The following FEZ2 variants were observed in gnomAD, a reference collection of about 807,000 sequenced individuals.
FEZ2 encodes fasciculation and elongation protein zeta 2.
In FEZ2, 51 loss-of-function variants were observed where a neutral mutation model predicts 40.4. The ratio of observed to expected loss-of-function variants is 1.26; its 90% CI spans 1.01 to 1.59. The LOEUF is 1.59. FEZ2 is among the 40% of genes most tolerant of loss of function. The probability of loss-of-function intolerance (pLI) is 0.00; values close to 1 mark genes in which losing one functional copy is unlikely to be tolerated. For synonymous variants in FEZ2, 242 were observed against 172.0 expected (o/e 1.41, Z -3.18); for missense variants, 640 against 438.3 (o/e 1.46, Z -4.11).
At position 36,578,704 on chromosome 2, in the gene FEZ2, C is replaced by G. The variant is rs374041463; in HGVS notation, c.796G>C (p.Val266Leu). ...KNSFISVLIEVQNKQKEHKET... is the reference protein window; with the variant it reads ...KNSFISVLIELQNKQKEHKET... ...TTGTGCTCTTTCTGTTTGTTTTGCACTTCAATAAGAACAGAAATAAAGCTG... is the reference window on the plus strand; with the variant it reads ...TTGTGCTCTTTCTGTTTGTTTTGCAGTTCAATAAGAACAGAAATAAAGCTG... Residue 266 changes from valine (V) to leucine (L), a missense_variant, in exon 5 of 8, where the codon GTG becomes CTG. By Grantham distance (32) the Val-to-Leu change is conservative. Coordinates refer to ENST00000405912, the MANE Select transcript of FEZ2 (RefSeq NM_005102.3). 1.2e-6 allele frequency: 2 copies of G among 1,613,918 alleles called. No individual in the cohort carries two copies. The highest frequency in any genetic ancestry group is 2.2e-5 in the South Asian group (2 of 91,078).
At chr2:36,570,085 G>A (rs1422985790) in intron 5 of FEZ2, among the ~76,000 whole-genome samples, 1 of 151,932 alleles carries the variant, frequency 6.6e-6, no homozygotes, top group African/African-American at 2.4e-5. Flanking sequence ...GGAAACAAGT[G>A]TAAAAAATTT....
chr2:36,558,332 A>T (rs1044696522), intron 6 of FEZ2, 106 bp downstream of exon 6: 2 of 626,496 alleles, frequency 3.2e-6, no homozygotes, highest in Non-Finnish European at 2.7e-6. Flanking sequence ...CATCATTTAC[A>T]TCCTAAACTG....
At chr2:36,578,541 G>C (rs959196441) in intron 5 of FEZ2, 56 bp downstream of exon 5, 88 of 1,555,604 alleles carry the variant, frequency 5.7e-5, no homozygotes, top group Non-Finnish European at 7.1e-5. Flanking sequence ...CCAAAGGCTG[G>C]GACTACCACA....
chr2:36,559,900 G>T (rs1668048640), intron 5 of FEZ2, among the ~76,000 whole-genome samples: 1 of 152,220 alleles, frequency 6.6e-6, no homozygotes, highest in Admixed American at 6.5e-5. Context: ...GCAAATGTCA[G>T]TGTGAGGCTT....
rs72868427 is a variant in FEZ2 at position 36,552,906 on chromosome 2, T to C, written c.*257A>G. ...ACAACTGCACATGCACAATTAATAT[T>C]ACTCTCTCTTAATCTACTAAGAGAA... is the stretch of plus-strand genomic sequence containing the variant. On this transcript the variant is annotated 3_prime_UTR_variant, in exon 8 of 8. Coordinates refer to ENST00000405912, the MANE Select transcript of FEZ2 (RefSeq NM_005102.3). The C allele has an allele frequency of 1.9e-3, 850 of 453,892 alleles. 11 individuals are homozygous for C. Among genetic ancestry groups the C allele is most frequent in the African/African-American group, 0.015 (757 of 49,796 alleles). 28.1% of individuals were successfully genotyped at this position (453,892 alleles called of 1,614,324 possible). A position where few individuals can be genotyped will look rare whatever the true frequency, so the allele number is the denominator to read the frequency against.
intron 4 of FEZ2, chr2:36,579,101 C>T: frequency 2.3e-6 from 1 of 440,240 alleles, no homozygotes; most frequent in Admixed American, 4.1e-5. Flanking sequence ...AGCTTGCTGG[C>T]AAGAAAGTCT....
At chr2:36,562,196 ATTTTT>A (rs1166542077) in intron 5 of FEZ2, among the ~76,000 whole-genome samples, 1 of 152,074 alleles carries the variant, frequency 6.6e-6, no homozygotes, top group African/African-American at 2.4e-5. Context: ...GTAAAATATT[ATTTTT>A]CATAAATATA....
chr2:36,560,885 GC>G, intron 5 of FEZ2: 3 of 1,522,378 alleles, frequency 2.0e-6, no homozygotes, highest in Non-Finnish European at 9.0e-7. Context: ...GCAATATACG[GC>G]CCAGAAGAAA....
intron 5 of FEZ2, among the ~76,000 whole-genome samples, chr2:36,559,577 G>A (rs1272727164): frequency 1.3e-5 from 2 of 152,190 alleles, no homozygotes; most frequent in East Asian, 1.9e-4. Flanking sequence ...GTGTCCCACC[G>A]TCTTTTTGAC....
At position 36,580,924 on chromosome 2, in the gene FEZ2, C is replaced by T. The variant is rs115572203; in HGVS notation, c.634+366G>A. Among the ~76,000 whole-genome samples the T allele has an allele frequency of 5.5e-3, 836 of 152,220 alleles. 2 individuals are homozygous for T. Among genetic ancestry groups the T allele is most frequent in the Middle Eastern group, 0.01 (3 of 294 alleles). On this transcript the variant is annotated intron_variant, in intron 4 of 7. Transcript: ENST00000405912. ...ACTGCAGCACTTTGGGAGGCTAAGG[C>T]GGGCGGATCATGAGGTCAGGAGTTC...
chr2:36,586,624 C>CT (rs1254342827), intron 2 of FEZ2, among the ~76,000 whole-genome samples: 1 of 131,594 alleles, frequency 7.6e-6, no homozygotes, highest in Non-Finnish European at 1.6e-5. Context: ...CAGACCATGT[C>CT]TCAAAAAAAA....
At position 36,598,159 on chromosome 2, in the gene FEZ2, C is replaced by T. The variant is rs1016451948; in HGVS notation, c.-17G>A. 26 of 1,430,876 alleles carry T rather than the reference C, an allele frequency of 1.8e-5. No individual in the cohort carries two copies. The highest frequency in any genetic ancestry group is 1.7e-4 in the African/African-American group (11 of 65,658). 88.6% of individuals were successfully genotyped at this position (1,430,876 alleles called of 1,614,324 possible). Reference sequence around the variant, plus strand: ...CGCCGCCATCGCCGCCCGGAGCAGTCGCGCGCCCCGCCCAGGCCGGCCCAG... The same window carrying T: ...CGCCGCCATCGCCGCCCGGAGCAGTTGCGCGCCCCGCCCAGGCCGGCCCAG... On this transcript the variant is annotated 5_prime_UTR_variant, in exon 1 of 8. Transcript: ENST00000405912.
intron 2 of FEZ2, 140 bp from the exon 3 acceptor site, chr2:36,583,609 G>T: frequency 1.7e-6 from 1 of 600,626 alleles, no homozygotes; most frequent in Non-Finnish European, 3.0e-6. Flanking sequence ...CAATCACTCT[G>T]TACCAGGCAA....
intron 3 of FEZ2, 65 bp from the exon 4 acceptor site, chr2:36,581,496 A>C (rs941961637): frequency 1.4e-6 from 2 of 1,464,786 alleles, no homozygotes; most frequent in African/African-American, 2.8e-5. Flanking sequence ...TCTGGAACAC[A>C]GTGCTCACCT....
intron 2 of FEZ2, among the ~76,000 whole-genome samples, chr2:36,584,862 G>A (rs888613815): frequency 1.3e-5 from 2 of 152,180 alleles, no homozygotes; most frequent in Non-Finnish European, 2.9e-5. Context: ...AGGGCCAAGG[G>A]AAGAAGCACT....
chr2:36,555,551 C>A (rs771364777), intron 7 of FEZ2, 132 bp downstream of exon 7: 4 of 506,738 alleles, frequency 7.9e-6, no homozygotes, highest in African/African-American at 2.0e-5. Context: ...TGTAGCTAAT[C>A]CTCACCCTGC....
intron 7 of FEZ2, among the ~76,000 whole-genome samples, chr2:36,553,638 G>A (rs963023831): frequency 3.9e-5 from 6 of 152,150 alleles, no homozygotes; most frequent in Non-Finnish European, 8.8e-5. Flanking sequence ...GGGTCATTAG[G>A]CAGGTGCGAG....
intron 5 of FEZ2, among the ~76,000 whole-genome samples, chr2:36,564,620 C>A (rs1668181759): frequency 6.6e-6 from 1 of 152,142 alleles, no homozygotes; most frequent in Non-Finnish European, 1.5e-5. Flanking sequence ...TGCCTACTTT[C>A]TACTCGGACG....
chr2:36,596,428 T>A (rs1196022305), intron 1 of FEZ2, among the ~76,000 whole-genome samples: 3 of 152,192 alleles, frequency 2.0e-5, no homozygotes, highest in Non-Finnish European at 4.4e-5. Context: ...AGTCTCTCCA[T>A]CCCATCAATG....
Sources: gnomAD v4.1 joint callset for allele counts (sites outside exome capture counted in the v4.1 genomes callset) on GRCh38, gnomAD v4.1.1 for gene constraint, MANE v1.5 for transcripts, NCBI Gene and HGNC (gene_info 2026-07-23, HGNC 2026-07-21) for gene names.